The following TDRD1 variants were observed in gnomAD, a reference collection of about 807,000 sequenced individuals.
The protein encoded by TDRD1 is tudor domain-containing protein 1.
A neutral mutation model predicts 140.6 loss-of-function variants in TDRD1; 37 were observed. The ratio of observed to expected loss-of-function variants is 0.26; its 90% CI spans 0.20 to 0.35. The LOEUF (loss-of-function observed/expected upper bound fraction) is 0.35. TDRD1 is among the 10% of genes least tolerant of loss of function. TDRD1 has a pLI of 1.00. For missense variants in TDRD1, 1,243 were observed against 1,393.0 expected (o/e 0.89, Z 1.71); for synonymous variants, 506 against 475.7 (o/e 1.06, Z -0.83).
chr10:114,225,239 A>G (rs1162759627), intron 21 of TDRD1, among the ~76,000 whole-genome samples: 1 of 152,200 alleles, frequency 6.6e-6, no homozygotes, highest in East Asian at 1.9e-4. Context: ...CTCTTTAGCA[A>G]CTTTAAAAAT....
exon 4 of TDRD1, chr10:114,199,266 T>C: frequency 1.2e-6 from 2 of 1,614,064 alleles, no homozygotes; most frequent in Non-Finnish European, 1.7e-6. Context: ...GCTCTTCACC[T>C]CCTTAGGACC....
intron 6 of TDRD1, among the ~76,000 whole-genome samples, chr10:114,202,864 C>T (rs12268539): frequency 0.066 from 10,064 of 152,274 alleles, 359 homozygotes; most frequent in Non-Finnish European, 0.08. Flanking sequence ...ACCCACGTGG[C>T]CTTATTCTTG....
At chr10:114,207,352 T>G (rs2035192209) in intron 11 of TDRD1, among the ~76,000 whole-genome samples, 1 of 152,236 alleles carries the variant, frequency 6.6e-6, no homozygotes, top group Non-Finnish European at 1.5e-5. Context: ...AAGTCTTTAT[T>G]GATTCTTCTT....
At chr10:114,202,012 G>A (rs1268436751) in intron 5 of TDRD1, among the ~76,000 whole-genome samples, 3 of 152,174 alleles carry the variant, frequency 2.0e-5, no homozygotes, top group African/African-American at 7.2e-5. Flanking sequence ...CCCTGTCTCT[G>A]TCTGTCTCAT....
At chr10:114,206,410 T>C (rs552286500) in intron 11 of TDRD1, 80 bp downstream of exon 11, 4 of 1,106,168 alleles carry the variant, frequency 3.6e-6, no homozygotes, top group South Asian at 1.3e-5. Context: ...GGCACAACTT[T>C]AGCACTGTTA....
At chr10:114,230,833 GAGGGCAGGTCACATGAGGCC>G (rs2036711815) in intron 25 of TDRD1, among the ~76,000 whole-genome samples, 1 of 152,150 alleles carries the variant, frequency 6.6e-6, no homozygotes. Context: ...GGAGGCTGAG[GAGGGCAGGTCACATGAGGCC>G]CAGGAGTTTG....
rs980066992 is a variant in TDRD1, at chr10:114,206,295, G to C, written c.1349G>C (p.Ser450Thr). ...GAAATGGGATATGGCTTGAAACCCA[G>C]TGGACAAGATTCTAAGAAGGAAAAT... The change falls in exon 11 of 26, where the codon AGT (serine) becomes ACT (threonine). Residue 450 changes from serine to threonine, a missense_variant. Ser to Thr is a moderately conservative substitution (Grantham distance 58). Around this residue, in one of 5 missense-constraint regions of TDRD1, gnomAD observed 392 missense variants for 394.1 expected, o/e 0.99. Coordinates refer to ENST00000251864, the Ensembl canonical transcript of TDRD1. 4.1e-5 allele frequency: 66 copies of C among 1,613,380 alleles called. No individual in the cohort carries two copies. The highest frequency in any genetic ancestry group is 5.6e-5 in the Non-Finnish European group (66 of 1,179,818).
At chr10:114,204,270 C>A in intron 9 of TDRD1, 54 bp downstream of exon 9, 1 of 1,529,072 alleles carries the variant, frequency 6.5e-7, no homozygotes, top group South Asian at 1.3e-5. Flanking sequence ...GAGCTGTTGT[C>A]AATGTTTTGA....
At chr10:114,219,754 C>G (rs1364683228) in intron 18 of TDRD1, among the ~76,000 whole-genome samples, 1 of 152,070 alleles carries the variant, frequency 6.6e-6, no homozygotes, top group African/African-American at 2.4e-5. Context: ...CCACGCCCAA[C>G]TAATTTTTTG....
chr10:114,195,888 C>G (rs954371260), intron 3 of TDRD1, among the ~76,000 whole-genome samples: 1 of 152,070 alleles, frequency 6.6e-6, no homozygotes, highest in African/African-American at 2.4e-5. Flanking sequence ...CCAGTGTTTT[C>G]AAGTGTGTAT....
chr10:114,229,803 CTATA>C (rs201590552), intron 25 of TDRD1, among the ~76,000 whole-genome samples: 1 of 144,284 alleles, frequency 6.9e-6, no homozygotes, highest in Non-Finnish European at 1.5e-5. Context: ...TATCAAGTCA[CTATA>C]TATATATATA....
chr10:114,182,396 G>C (rs1038398722), intron 1 of TDRD1, among the ~76,000 whole-genome samples: 1 of 152,120 alleles, frequency 6.6e-6, no homozygotes, highest in African/African-American at 2.4e-5. Flanking sequence ...CTCCAAATAG[G>C]GTGGACCTTC....
intron 3 of TDRD1, among the ~76,000 whole-genome samples, chr10:114,197,162 G>T (rs527737235): frequency 6.6e-6 from 1 of 151,934 alleles, no homozygotes; most frequent in South Asian, 2.1e-4. Flanking sequence ...GTCATTTTTT[G>T]AGTATTTCTC....
intron 3 of TDRD1, among the ~76,000 whole-genome samples, chr10:114,192,441 A>G (rs2034049808): frequency 6.6e-6 from 1 of 150,888 alleles, no homozygotes; most frequent in African/African-American, 2.4e-5. Context: ...AGTAGCTGGG[A>G]CTACAGGTGG....
exon 22 of TDRD1, chr10:114,226,110 C>T: frequency 6.2e-7 from 1 of 1,613,774 alleles, no homozygotes; most frequent in Non-Finnish European, 8.5e-7. Flanking sequence ...TGGAAGTGCT[C>T]TATGCAGACT....
chr10:114,208,018 A>G (rs1289681927), intron 11 of TDRD1, among the ~76,000 whole-genome samples: 1 of 152,094 alleles, frequency 6.6e-6, no homozygotes, highest in African/African-American at 2.4e-5. Flanking sequence ...GTGATGCCAC[A>G]CGGAGCAGGA....
At chr10:114,216,385 CAT>C (rs1344295139) in intron 16 of TDRD1, among the ~76,000 whole-genome samples, 1 of 152,112 alleles carries the variant, frequency 6.6e-6, no homozygotes, top group Admixed American at 6.6e-5. Context: ...TCCTCACAAA[CAT>C]TGTGTTTTTT....
intron 16 of TDRD1, among the ~76,000 whole-genome samples, chr10:114,216,426 A>G (rs1351639859): frequency 2.0e-5 from 3 of 152,308 alleles, no homozygotes; most frequent in African/African-American, 7.2e-5. Context: ...TCTGATGAGC[A>G]TCATTGATCT....
intron 14 of TDRD1, among the ~76,000 whole-genome samples, 183 bp downstream of exon 14, chr10:114,212,219 C>A (rs537079649): frequency 6.6e-6 from 1 of 152,264 alleles, no homozygotes; most frequent in African/African-American, 2.4e-5. Context: ...AATTAGTTGG[C>A]TTCATTCAAA....
Sources: allele counts gnomAD v4.1 joint callset (sites outside exome capture counted in the v4.1 genomes callset), GRCh38; gene constraint gnomAD v4.1.1; regional missense constraint gnomAD v4.1.1; transcripts MANE v1.5; gene names NCBI Gene and HGNC (gene_info 2026-07-23, HGNC 2026-07-21).